The following TASP1 variants were observed in gnomAD, a reference collection of about 807,000 sequenced individuals.
TASP1 encodes threonine aspartase 1.
Under a neutral mutation model 56.6 loss-of-function variants are expected in TASP1, and 16 were observed. That is an observed-to-expected ratio of 0.28 (90% confidence interval 0.19 to 0.43). The LOEUF is 0.43. TASP1 is among the 20% of genes least tolerant of loss of function. TASP1 has a pLI of 1.00. For missense variants in TASP1, 393 were observed against 511.6 expected (o/e 0.77, Z 2.24); for synonymous variants, 179 against 184.2 (o/e 0.97, Z 0.23).
At chr20:13,623,202 A>T (rs985240838) in intron 4 of TASP1, among the ~76,000 whole-genome samples, 1 of 152,122 alleles carries the variant, frequency 6.6e-6, no homozygotes, top group Non-Finnish European at 1.5e-5. Context: ...TCCAATCCTT[A>T]ACTTTTGTAT....
chr20:13,612,631 AATCT>A (rs2048386663), intron 4 of TASP1, among the ~76,000 whole-genome samples: 1 of 152,142 alleles, frequency 6.6e-6, no homozygotes, highest in Non-Finnish European at 1.5e-5. Flanking sequence ...GGATAATGAG[AATCT>A]ATCTATAAAT....
chr20:13,117,385 C>A, the TASP1 span: 3 of 916,364 alleles, frequency 3.3e-6, no homozygotes, highest in Non-Finnish European at 4.7e-6. Context: ...ATAAAACATG[C>A]CTTCAGAACA....
At chr20:13,621,855 A>G (rs1303646441) in intron 4 of TASP1, among the ~76,000 whole-genome samples, 1 of 152,214 alleles carries the variant, frequency 6.6e-6, no homozygotes, top group Non-Finnish European at 1.5e-5. Context: ...TTCTCCAGAT[A>G]CTCATTAACC....
chr20:13,448,084 T>C (rs947567691), intron 11 of TASP1, among the ~76,000 whole-genome samples: 1 of 152,152 alleles, frequency 6.6e-6, no homozygotes, highest in Admixed American at 6.6e-5. Flanking sequence ...CCATGTTTTC[T>C]ATTTGTGCTT....
chr20:13,566,028 GAC>G (rs1484133303), intron 7 of TASP1, among the ~76,000 whole-genome samples: 1 of 152,102 alleles, frequency 6.6e-6, no homozygotes, highest in African/African-American at 2.4e-5. Flanking sequence ...AAGAAATTCT[GAC>G]ACATGCTACA....
chr20:13,507,759 C>T (rs2044184013), intron 10 of TASP1, among the ~76,000 whole-genome samples: 2 of 151,948 alleles, frequency 1.3e-5, no homozygotes, highest in South Asian at 4.2e-4. Flanking sequence ...CACAAAACAC[C>T]CTAATTAGCT....
chr20:13,500,649 T>C (rs1431306003), intron 10 of TASP1, among the ~76,000 whole-genome samples: 1 of 151,922 alleles, frequency 6.6e-6, no homozygotes, highest in Non-Finnish European at 1.5e-5. Flanking sequence ...CAGTGGGCTT[T>C]AGAGCAAGCA....
chr20:13,514,005 G>C lies in TASP1; in HGVS notation c.874+14428C>G, dbSNP rs543616112. ...AATTTACTTTTGCATGAGAAGGAAAGCATAACAGGTAGAGCAGAGGCAAAT... is the reference window on the plus strand; with the variant it reads ...AATTTACTTTTGCATGAGAAGGAAACCATAACAGGTAGAGCAGAGGCAAAT... On this transcript the variant is annotated intron_variant, in intron 10 of 13. Coordinates refer to ENST00000337743, the MANE Select transcript of TASP1 (RefSeq NM_017714.3). Among the ~76,000 whole-genome samples, 3 of 152,228 alleles carry C rather than the reference G, an allele frequency of 2.0e-5. No homozygotes were observed. The South Asian group carries it at 6.2e-4, about 32-fold the overall frequency.
rs769446529 is a variant in TASP1, at chr20:13,437,749, C to T, written c.986-2595G>A. Among the ~76,000 whole-genome samples the T allele has an allele frequency of 3.4e-4, 51 of 152,172 alleles. 1 individual carries two copies. Among genetic ancestry groups the T allele is most frequent in the Admixed American group, 2.0e-3 (31 of 15,272 alleles). On this transcript the variant is annotated intron_variant, in intron 11 of 13. Coordinates refer to ENST00000337743, the MANE Select transcript of TASP1 (RefSeq NM_017714.3). ...CAGAGAGCCAAATCATGAGTGAACTCCCATTCACAATTGCTTCAGAGAGAA... is the reference window on the plus strand; with the variant it reads ...CAGAGAGCCAAATCATGAGTGAACTTCCATTCACAATTGCTTCAGAGAGAA...
chr20:13,588,250 A>AAAGGAAGGAAGGAAGGAAGGAAGG (rs71334135), intron 4 of TASP1, among the ~76,000 whole-genome samples: 4 of 96,624 alleles, frequency 4.1e-5, no homozygotes, highest in Non-Finnish European at 6.1e-5. Context: ...AGAAAGGAAG[A>AAAGGAAGGAAGGAAGGAAGGAAGG]AAGGAAGGAA....
At chr20:13,616,952 A>G (rs981214782) in intron 4 of TASP1, 2 of 410,538 alleles carry the variant, frequency 4.9e-6, no homozygotes, top group Admixed American at 5.4e-5. Flanking sequence ...ATGCTCTAGC[A>G]GCAGAACAAG....
At chr20:13,586,881 G>A (rs945138461) in intron 5 of TASP1, among the ~76,000 whole-genome samples, 1 of 152,098 alleles carries the variant, frequency 6.6e-6, no homozygotes, top group East Asian at 1.9e-4. Context: ...ATTTTTACTG[G>A]TTAAACCCCA....
the TASP1 span, among the ~76,000 whole-genome samples, chr20:13,289,672 A>G: frequency 1.0e-5 from 1 of 96,270 alleles, no homozygotes; most frequent in Admixed American, 9.6e-5. Context: ...GAGGAGGAGG[A>G]GGGGGAGGAG....
the TASP1 span, among the ~76,000 whole-genome samples, chr20:13,332,937 C>T: frequency 4.6e-5 from 7 of 152,270 alleles, no homozygotes; most frequent in South Asian, 2.1e-4. Context: ...TCCTGTGCAT[C>T]GCCAGAATTC....
At chr20:13,418,039 A>C (rs2042317893) in intron 12 of TASP1, among the ~76,000 whole-genome samples, 1 of 152,152 alleles carries the variant, frequency 6.6e-6, no homozygotes, top group South Asian at 2.1e-4. Flanking sequence ...CAGCCTCCTG[A>C]GTAGCTGGGA....
At chr20:13,338,399 G>C in the TASP1 span, among the ~76,000 whole-genome samples, 84 of 152,238 alleles carry the variant, frequency 5.5e-4, no homozygotes, top group African/African-American at 1.9e-3. Flanking sequence ...CATTTTCTCA[G>C]CAAAGTCTTT....
intron 11 of TASP1, among the ~76,000 whole-genome samples, chr20:13,473,153 A>G (rs1461849827): frequency 6.6e-6 from 1 of 152,206 alleles, no homozygotes; most frequent in African/African-American, 2.4e-5. Flanking sequence ...AATACTATGC[A>G]GCCATAAAAA....
At chr20:13,229,044 GC>G in the TASP1 span, among the ~76,000 whole-genome samples, 4 of 151,806 alleles carry the variant, frequency 2.6e-5, no homozygotes, top group African/African-American at 9.7e-5. Context: ...AAATTCTATA[GC>G]CTCTTTTCTC....
chr20:13,520,499 C>T (rs542542678), intron 10 of TASP1, among the ~76,000 whole-genome samples: 2 of 152,106 alleles, frequency 1.3e-5, no homozygotes, highest in Non-Finnish European at 2.9e-5. Context: ...CTTTGACAAA[C>T]CTGACAAAAA....
Sources: allele counts gnomAD v4.1 joint callset (sites outside exome capture counted in the v4.1 genomes callset), GRCh38; gene constraint gnomAD v4.1.1; transcripts MANE v1.5; gene names NCBI Gene and HGNC (gene_info 2026-07-23, HGNC 2026-07-21).